MEGF10: variants seen among roughly 807,000 people sequenced by gnomAD.
The protein encoded by MEGF10 is multiple EGF like domains 10, also known as multiple epidermal growth factor-like domains protein 10.
MEGF10 carries 86 observed loss-of-function variants against 147.5 expected under a neutral mutation model. The observed-to-expected ratio is 0.58, with a 90% CI of 0.49 to 0.70. MEGF10 has a LOEUF of 0.70. Among genes scored for constraint, MEGF10 ranks in the 30% least tolerant of loss-of-function variants. MEGF10 has a pLI of 0.00. For synonymous variants in MEGF10, 478 were observed against 525.5 expected (o/e 0.91, Z 1.24); for missense variants, 1,329 against 1,487.3 (o/e 0.89, Z 1.75).
At position 127,410,461 on chromosome 5, in the gene MEGF10, G is replaced by A; in HGVS notation, c.990G>A (p.Gly330=). 1 of 1,614,222 alleles carries A rather than the reference G, an allele frequency of 6.2e-7. No homozygotes were observed. Among genetic ancestry groups the A allele is most frequent in the Non-Finnish European group, 8.5e-7 (1 of 1,180,052 alleles). ...AGACCTGCCAGTGTGTCAACGGAGG[G>A]AAGTGTTACCACGTGAGCGGCGCAT... The part of the protein sequence containing the change: ...CAETCQCVNG[G]KCYHVSGACL... The change falls in exon 9 of 25, where the codon GGG becomes GGA. Residue 330 remains glycine, a synonymous_variant. Coordinates refer to ENST00000503335, the MANE Select transcript of MEGF10 (RefSeq NM_001256545.2).
At chr5:127,254,133 TCTG>T in the MEGF10 span, among the ~76,000 whole-genome samples, 6 of 152,138 alleles carry the variant, frequency 3.9e-5, no homozygotes, top group Admixed American at 3.9e-4. Context: ...AGCAGATTTT[TCTG>T]CTATTTAAGT....
chr5:127,244,815 A>G, the MEGF10 span, among the ~76,000 whole-genome samples: 1 of 152,220 alleles, frequency 6.6e-6, no homozygotes, highest in Non-Finnish European at 1.5e-5. Context: ...CAGAAATTGT[A>G]TGACTCACGT....
At chr5:127,435,526 T>C (rs1487580086) in intron 16 of MEGF10, 37 bp downstream of exon 16, 68 of 1,580,036 alleles carry the variant, frequency 4.3e-5, no homozygotes, top group Non-Finnish European at 5.9e-5. Context: ...AAACTGTTCT[T>C]ATTTGTTTGT....
At chr5:127,456,949 C>G (rs903466292) in intron 24 of MEGF10, among the ~76,000 whole-genome samples, 179 bp from the exon 25 acceptor site, 7 of 152,170 alleles carry the variant, frequency 4.6e-5, no homozygotes, top group African/African-American at 1.2e-4. Context: ...GCCAGTTGAT[C>G]CAACTACACA....
chr5:127,257,671 T>C, the MEGF10 span, among the ~76,000 whole-genome samples: 2 of 152,210 alleles, frequency 1.3e-5, no homozygotes, highest in African/African-American at 4.8e-5. Flanking sequence ...ATGCCTGTGA[T>C]AGTCTCAGGA....
At chr5:127,296,435 C>T (rs1759505626) in intron 1 of MEGF10, among the ~76,000 whole-genome samples, 1 of 152,184 alleles carries the variant, frequency 6.6e-6, no homozygotes, top group Non-Finnish European at 1.5e-5. Flanking sequence ...AATTGTACCC[C>T]TTCCCACTTC....
At chr5:127,259,049 C>T in the MEGF10 span, among the ~76,000 whole-genome samples, 3 of 152,118 alleles carry the variant, frequency 2.0e-5, no homozygotes, top group Admixed American at 6.6e-5. Context: ...TGTCCAAGAG[C>T]CCATTACAAT....
intron 5 of MEGF10, among the ~76,000 whole-genome samples, chr5:127,372,713 T>C (rs1394761199): frequency 6.6e-6 from 1 of 152,166 alleles, no homozygotes; most frequent in Non-Finnish European, 1.5e-5. Context: ...TGATCAGACA[T>C]GGGTTATGAG....
chr5:127,232,871 T>G, the MEGF10 span, among the ~76,000 whole-genome samples: 1 of 152,024 alleles, frequency 6.6e-6, no homozygotes, highest in South Asian at 2.1e-4. Flanking sequence ...AAGCGAAATG[T>G]CTGGAGCAGC....
At chr5:127,260,169 A>G in the MEGF10 span, among the ~76,000 whole-genome samples, 3 of 151,988 alleles carry the variant, frequency 2.0e-5, no homozygotes, top group African/African-American at 7.2e-5. Flanking sequence ...AAATAAATAA[A>G]TAAATAAGTA....
intron 1 of MEGF10, among the ~76,000 whole-genome samples, chr5:127,298,564 G>A (rs374136652): frequency 6.6e-6 from 1 of 152,170 alleles, no homozygotes; most frequent in Admixed American, 6.5e-5. Context: ...GCGTAGTGGG[G>A]TCCCAGGATG....
At chr5:127,440,926 C>T (rs562990439) in intron 18 of MEGF10, 59 bp downstream of exon 18, 1 of 1,588,286 alleles carries the variant, frequency 6.3e-7, no homozygotes, top group African/African-American at 1.3e-5. Flanking sequence ...ATCACATTTC[C>T]TAGATGCCAG....
At chr5:127,423,461 A>G (rs574742659) in intron 13 of MEGF10, among the ~76,000 whole-genome samples, 1 of 152,330 alleles carries the variant, frequency 6.6e-6, no homozygotes, top group African/African-American at 2.4e-5. Flanking sequence ...CATGAGCAAA[A>G]ACATTGTTCT....
intron 9 of MEGF10, among the ~76,000 whole-genome samples, chr5:127,414,875 G>A (rs1764700498): frequency 6.6e-6 from 1 of 152,210 alleles, no homozygotes; most frequent in Admixed American, 6.5e-5. Context: ...TGAAAAGTGA[G>A]ATGGGAAGAA....
At chr5:127,364,524 A>G (rs527767995) in intron 4 of MEGF10, among the ~76,000 whole-genome samples, 1 of 152,320 alleles carries the variant, frequency 6.6e-6, no homozygotes, top group Non-Finnish European at 1.5e-5. Context: ...CAGTGTACCT[A>G]GTGCATCAGT....
At chr5:127,297,155 C>T (rs956323222) in intron 1 of MEGF10, among the ~76,000 whole-genome samples, 3 of 152,146 alleles carry the variant, frequency 2.0e-5, no homozygotes, top group Admixed American at 1.3e-4. Flanking sequence ...TTAGTAGAGA[C>T]GAGGTTTTGC....
chr5:127,287,982 C>T (rs916666651), upstream of MEGF10, among the ~76,000 whole-genome samples: 2 of 151,884 alleles, frequency 1.3e-5, no homozygotes, highest in Non-Finnish European at 2.9e-5. Flanking sequence ...TAAAGGTATC[C>T]AGTTACTCAA....
chr5:127,263,784 C>A, the MEGF10 span, among the ~76,000 whole-genome samples: 2 of 152,062 alleles, frequency 1.3e-5, no homozygotes, highest in East Asian at 3.9e-4. Flanking sequence ...TACCAAGGTA[C>A]TTAACTTAAA....
At chr5:127,381,416 C>T (rs1429568432) in intron 5 of MEGF10, among the ~76,000 whole-genome samples, 2 of 152,200 alleles carry the variant, frequency 1.3e-5, no homozygotes, top group African/African-American at 4.8e-5. Context: ...TAAACATATA[C>T]ATGAAACATA....
Sources: gnomAD v4.1 joint callset for allele counts (sites outside exome capture counted in the v4.1 genomes callset) on GRCh38, gnomAD v4.1.1 for gene constraint, MANE v1.5 for transcripts, NCBI Gene and HGNC (gene_info 2026-07-23, HGNC 2026-07-21) for gene names.